Variants in GLCE observed in about 807,000 individuals in gnomAD.
The protein encoded by GLCE is glucuronic acid epimerase.
GLCE carries 19 observed loss-of-function variants against 47.9 expected under a neutral mutation model. The ratio of observed to expected loss-of-function variants is 0.40; its 90% CI spans 0.28 to 0.58. The LOEUF (loss-of-function observed/expected upper bound fraction) is 0.58. Ranked by LOEUF, GLCE falls within the 20% of genes least tolerant of loss-of-function variation. The pLI is 0.48. For missense variants in GLCE, 556 were observed against 743.3 expected (o/e 0.75, Z 2.93); for synonymous variants, 245 against 263.4 (o/e 0.93, Z 0.68).
chr15:69,267,285 T>C (rs1282129895), intron 4 of GLCE, among the ~76,000 whole-genome samples: 1 of 152,230 alleles, frequency 6.6e-6, no homozygotes, highest in Non-Finnish European at 1.5e-5. Context: ...TTCCACTCCA[T>C]TGTCTTTCTT....
chr15:69,258,957 A>G (rs1457874363), intron 3 of GLCE, among the ~76,000 whole-genome samples: 1 of 152,210 alleles, frequency 6.6e-6, no homozygotes, highest in Admixed American at 6.5e-5. Context: ...GCCATGTCAA[A>G]TAACCTGCCA....
chr15:69,262,258 C>CT (rs2053025593), intron 4 of GLCE, among the ~76,000 whole-genome samples: 1 of 152,036 alleles, frequency 6.6e-6, no homozygotes, highest in Non-Finnish European at 1.5e-5. Context: ...AATAGATGAC[C>CT]TTTAATTTTT....
At chr15:69,248,153 G>A (rs1015945981) in intron 2 of GLCE, among the ~76,000 whole-genome samples, 52 of 152,176 alleles carry the variant, frequency 3.4e-4, no homozygotes, top group African/African-American at 1.1e-3. Flanking sequence ...TTGCCTTATT[G>A]TGAGTAGCTA....
intron 3 of GLCE, among the ~76,000 whole-genome samples, chr15:69,260,252 GTTTTTTTTTT>G (rs34911776): frequency 2.5e-5 from 2 of 79,224 alleles, no homozygotes; most frequent in African/African-American, 8.6e-5. Context: ...GTCACAACTG[GTTTTTTTTTT>G]TTTTTTTTTT....
chr15:69,238,381 C>A (rs1228050977), intron 2 of GLCE, among the ~76,000 whole-genome samples: 1 of 151,974 alleles, frequency 6.6e-6, no homozygotes, highest in African/African-American at 2.4e-5. Flanking sequence ...AATTTTTCTT[C>A]AGCAAAGTTA....
intron 2 of GLCE, among the ~76,000 whole-genome samples, chr15:69,217,016 C>A (rs1420489523): frequency 1.3e-5 from 2 of 152,024 alleles, no homozygotes; most frequent in Non-Finnish European, 2.9e-5. Context: ...AATAAGCGTA[C>A]CTCTTTAAAT....
At chr15:69,179,631 TA>T (rs2051722692) in intron 1 of GLCE, among the ~76,000 whole-genome samples, 1 of 152,150 alleles carries the variant, frequency 6.6e-6, no homozygotes, top group South Asian at 2.1e-4. Context: ...CTCCTGGCCT[TA>T]AAGAGCATAT....
At chr15:69,231,636 A>G (rs1355687023) in intron 2 of GLCE, among the ~76,000 whole-genome samples, 1 of 152,104 alleles carries the variant, frequency 6.6e-6, no homozygotes, top group Non-Finnish European at 1.5e-5. Flanking sequence ...TTCGCTGAGC[A>G]CTTGGCAACA....
At chr15:69,208,552 G>A (rs892161766) in intron 1 of GLCE, among the ~76,000 whole-genome samples, 4 of 151,926 alleles carry the variant, frequency 2.6e-5, no homozygotes, top group Non-Finnish European at 5.9e-5. Flanking sequence ...CTTAAAATTA[G>A]GTAGTATAAT....
Position 69,256,174 on chromosome 15 carries a change from G to A in GLCE, c.368G>A (p.Gly123Glu). 6.2e-7 allele frequency: 1 copy of A among 1,614,022 alleles called. No individual in the cohort carries two copies. The highest frequency in any genetic ancestry group is 8.5e-7 in the Non-Finnish European group (1 of 1,179,928). ...CACACAATTAAAGGGAGACGAGAGGGGAACGAAGTCTTTCTTCCATTCACT... is the reference window on the plus strand; with the variant it reads ...CACACAATTAAAGGGAGACGAGAGGAGAACGAAGTCTTTCTTCCATTCACT... ...DEHTIKGRRE[G>E]NEVFLPFTWV... Residue 123 changes from glycine (G) to glutamate (E), a missense_variant, in exon 3 of 5, where the codon GGG becomes GAG. This residue lies in a region of GLCE where 237 missense variants were observed against 310.9 expected (regional missense o/e 0.76). Coordinates refer to ENST00000261858, the MANE Select transcript of GLCE (RefSeq NM_015554.3).
intron 1 of GLCE, among the ~76,000 whole-genome samples, chr15:69,170,298 A>G (rs933225454): frequency 6.6e-6 from 1 of 152,158 alleles, no homozygotes; most frequent in Non-Finnish European, 1.5e-5. Context: ...TTTTAAAAGA[A>G]TGCCTCAGAT....
intron 1 of GLCE, among the ~76,000 whole-genome samples, chr15:69,172,587 C>G (rs1200564427): frequency 1.0e-5 from 1 of 100,286 alleles, no homozygotes; most frequent in Non-Finnish European, 2.5e-5. Flanking sequence ...ATACATATAG[C>G]ATTTGACATC....
intron 1 of GLCE, among the ~76,000 whole-genome samples, chr15:69,204,278 T>C (rs1485243134): frequency 3.3e-5 from 1 of 29,880 alleles, no homozygotes; most frequent in Admixed American, 5.4e-4. Flanking sequence ...ATTGTTTTAC[T>C]TTTTTTTTTT....
At chr15:69,264,057 T>C (rs963679643) in intron 4 of GLCE, among the ~76,000 whole-genome samples, 1 of 152,186 alleles carries the variant, frequency 6.6e-6, no homozygotes, top group African/African-American at 2.4e-5. Context: ...ATTTCAGGCA[T>C]ACAATACAGT....
intron 2 of GLCE, among the ~76,000 whole-genome samples, chr15:69,251,664 T>G (rs932809391): frequency 3.9e-5 from 6 of 152,204 alleles, no homozygotes; most frequent in African/African-American, 1.4e-4. Context: ...AGTTGCCAAT[T>G]TTTGTCAGCT....
In GLCE at chr15:69,234,287, A is replaced by T. The variant is rs1043114365; in HGVS notation, c.-13-21507A>T. Among the ~76,000 whole-genome samples the T allele has an allele frequency of 5.9e-5, 9 of 151,888 alleles. No homozygotes were observed. The South Asian group carries it at 8.3e-4, about 14-fold the overall frequency. ...AGCCATTGCTCCCGGCCAGAAGATT[A>T]TTTTTTTTTAATTTTTTTGACCTTA... On this transcript the variant is annotated intron_variant, in intron 2 of 4. Coordinates refer to ENST00000261858, the MANE Select transcript of GLCE (RefSeq NM_015554.3).
At chr15:69,238,484 A>C (rs930886056) in intron 2 of GLCE, among the ~76,000 whole-genome samples, 1 of 152,234 alleles carries the variant, frequency 6.6e-6, no homozygotes, top group East Asian at 1.9e-4. Flanking sequence ...TCTAATGCTT[A>C]GCATATATGG....
intron 4 of GLCE, among the ~76,000 whole-genome samples, chr15:69,261,823 A>T (rs893625410): frequency 6.6e-5 from 10 of 152,186 alleles, no homozygotes; most frequent in African/African-American, 2.4e-4. Flanking sequence ...GATTATCTCA[A>T]ACTTCATGTA....
intron 2 of GLCE, among the ~76,000 whole-genome samples, chr15:69,247,455 A>G (rs1595780609): frequency 6.6e-6 from 1 of 152,236 alleles, no homozygotes. Flanking sequence ...TAAGACCGCC[A>G]GAATTTTCTC....
Sources: gnomAD v4.1 joint callset for allele counts (sites outside exome capture counted in the v4.1 genomes callset) on GRCh38, gnomAD v4.1.1 for gene constraint, gnomAD v4.1.1 regional missense constraint, MANE v1.5 for transcripts, NCBI Gene and HGNC (gene_info 2026-07-23, HGNC 2026-07-21) for gene names.